Variants in LRRC56 observed in about 807,000 individuals in gnomAD.
The protein encoded by LRRC56 is leucine rich repeat containing 56, also known as leucine-rich repeat-containing protein 56.
Under a neutral mutation model 47.8 loss-of-function variants are expected in LRRC56, and 41 were observed. That is an observed-to-expected ratio of 0.86 (90% CI 0.67 to 1.11). The LOEUF (loss-of-function observed/expected upper bound fraction) is 1.11, where lower values mean the gene tolerates loss of function less well. Among genes scored for constraint, LRRC56 ranks in the 50% most tolerant of loss-of-function variants. The probability of loss-of-function intolerance (pLI) is 0.00; values close to 1 mark genes in which losing one functional copy is unlikely to be tolerated. For synonymous variants in LRRC56, 387 were observed against 311.2 expected, an observed-to-expected ratio of 1.24 and a Z score of -2.56; for missense variants, 759 against 704.2, an observed-to-expected ratio of 1.08 and a Z score of -0.88.
upstream of LRRC56, among the ~76,000 whole-genome samples, chr11:533,112 G>A (rs1048786235): frequency 6.6e-6 from 1 of 152,240 alleles, no homozygotes. Context: ...ACACTCTGGG[G>A]ACAAGAGGGG....
chr11:509,408 C>T, the LRRC56 span, among the ~76,000 whole-genome samples: 5 of 152,192 alleles, frequency 3.3e-5, no homozygotes, highest in Non-Finnish European at 5.9e-5. Flanking sequence ...TTTAAAATGG[C>T]TGTTGGGCTC....
At chr11:551,104 T>TCCCTCC (rs577182014) in intron 8 of LRRC56, 27 bp from the exon 9 acceptor site, 12 of 873,996 alleles carry the variant, frequency 1.4e-5, no homozygotes, top group African/African-American at 3.6e-5. Context: ...AGACCTGCCC[T>TCCCTCC]CCCTCCCCCT....
the LRRC56 span, among the ~76,000 whole-genome samples, chr11:530,159 C>G: frequency 1.3e-5 from 2 of 152,142 alleles, no homozygotes; most frequent in Admixed American, 1.3e-4. Context: ...TCCTGGACAC[C>G]CCAGGACCAC....
the LRRC56 span, among the ~76,000 whole-genome samples, chr11:518,440 C>A: frequency 6.6e-6 from 1 of 152,194 alleles, no homozygotes; most frequent in African/African-American, 2.4e-5. Flanking sequence ...CTCGGCCTCG[C>A]AAAGTGCTTG....
the LRRC56 span, among the ~76,000 whole-genome samples, chr11:512,887 G>A: frequency 6.6e-6 from 1 of 152,180 alleles, no homozygotes; most frequent in African/African-American, 2.4e-5. Context: ...AGGGCAAGCT[G>A]GAAGTGAAAG....
chr11:520,342 G>T, the LRRC56 span, among the ~76,000 whole-genome samples: 1 of 151,436 alleles, frequency 6.6e-6, no homozygotes, highest in Non-Finnish European at 1.5e-5. Context: ...TTTTTTTTAT[G>T]GGGAATCTCG....
At chr11:544,895 G>A in intron 6 of LRRC56, 115 bp downstream of exon 6, 1 of 1,063,034 alleles carries the variant, frequency 9.4e-7, no homozygotes, top group Non-Finnish European at 1.4e-6. Context: ...GCTGGGACCA[G>A]GGACCCAGGG....
At position 552,722 on chromosome 11, in the gene LRRC56, GC is replaced by G. The variant is rs751450879; in HGVS notation, c.1315+26del. 1.9e-6 allele frequency: 3 copies of G among 1,580,740 alleles called. No homozygotes were observed. Among genetic ancestry groups the G allele is most frequent in the Non-Finnish European group, 2.6e-6 (3 of 1,162,292 alleles). On this transcript the variant is annotated intron_variant, in intron 13 of 13. Transcript: ENST00000270115. ...CCTCAGGTACTGAGCCTGCCCGCCT[GC>G]CCCCCAGTGCCTGGGAGTGACCAAC...
the LRRC56 span, among the ~76,000 whole-genome samples, chr11:522,306 C>G: frequency 6.6e-6 from 1 of 151,956 alleles, no homozygotes; most frequent in Non-Finnish European, 1.5e-5. Context: ...CACTCTGTCG[C>G]CCAGGCTGGA....
intron 6 of LRRC56, among the ~76,000 whole-genome samples, chr11:548,986 T>A (rs1186380647): frequency 6.6e-6 from 1 of 151,848 alleles, no homozygotes; most frequent in Non-Finnish European, 1.5e-5. Flanking sequence ...TCCCAGCCAA[T>A]TCAGAGCGGA....
chr11:544,688 C>T lies in LRRC56; in HGVS notation c.266-32C>T, dbSNP rs373406619. The T allele has an allele frequency of 1.0e-4, 162 of 1,610,972 alleles. No homozygotes were observed. The African/African-American group carries it at 1.3e-3, about 13-fold the overall frequency. ...TGCAGAGGTGGGCGGGGTGAGGGGC[C>T]GGGCCAACCTCCTCCTCCTGTGGCC... On this transcript the variant is annotated intron_variant, in intron 5 of 13. Transcript: ENST00000270115.
At chr11:549,113 G>A (rs947318612) in intron 6 of LRRC56, among the ~76,000 whole-genome samples, 5 of 152,138 alleles carry the variant, frequency 3.3e-5, no homozygotes, top group African/African-American at 9.7e-5. Context: ...AACACAGTGG[G>A]CGGAATGAAG....
chr11:533,037 G>A (rs45626636), upstream of LRRC56, among the ~76,000 whole-genome samples: 21,026 of 152,200 alleles, frequency 0.14, 1,987 homozygotes, highest in African/African-American at 0.27. Context: ...CCCAGCTCTC[G>A]ACTCAGCTAC....
the LRRC56 span, chr11:529,445 C>T: frequency 1.3e-5 from 2 of 152,304 alleles, no homozygotes; most frequent in Non-Finnish European, 2.9e-5. Context: ...CTCACTGCTG[C>T]TCACTGTGGG....
At position 552,608 on chromosome 11, in the gene LRRC56, G is replaced by A. The variant is rs779925205; in HGVS notation, c.1221G>A (p.Gly407=). ...GGCACCCGGAGTCCCAACAGGAAGG[G>A]GCTGTAGCCCCCTGGGGCCCACGGA... ...PYRHPESQQE[G]AVAPWGPRRV... The change falls in exon 13 of 14, where the codon GGG becomes GGA. Residue 407 remains glycine, a synonymous_variant. Coordinates refer to ENST00000270115, the MANE Select transcript of LRRC56 (RefSeq NM_198075.4). The A allele has an allele frequency of 4.3e-6, 7 of 1,609,796 alleles. No individual in the cohort carries two copies. Among genetic ancestry groups the A allele is most frequent in the East Asian group, 2.2e-5 (1 of 44,842 alleles).
chr11:534,185 G>A (rs2133993800), upstream of LRRC56: 1 of 1,556,688 alleles, frequency 6.4e-7, no homozygotes, highest in Non-Finnish European at 8.9e-7. Flanking sequence ...GCAGCTGCTG[G>A]CACCTGGACG....
intron 6 of LRRC56, among the ~76,000 whole-genome samples, chr11:546,037 G>A (rs564081691): frequency 7.8e-4 from 119 of 151,910 alleles, no homozygotes; most frequent in African/African-American, 2.2e-3. Context: ...TTGGGAGGCC[G>A]AGGTGGGCAG....
rs201686877 is a variant in LRRC56, at chr11:551,278, A to G, written c.772A>G (p.Lys258Glu). Residue 258 changes from lysine to glutamate, a missense_variant, in exon 9 of 14, where the codon AAG becomes GAG. Coordinates refer to ENST00000270115, the MANE Select transcript of LRRC56 (RefSeq NM_198075.4). ...DWLAVKEAIKKGNGLPPLDCP... is the reference protein window; with the variant it reads ...DWLAVKEAIKEGNGLPPLDCP... Reference sequence around the variant, plus strand: ...GCTTGCGGTGAAGGAGGCCATCAAGAAGGGCAACGGCCTTCCCCCGCTGGG... The same window carrying G: ...GCTTGCGGTGAAGGAGGCCATCAAGGAGGGCAACGGCCTTCCCCCGCTGGG... The G allele has an allele frequency of 1.3e-6, 2 of 1,535,608 alleles. No homozygotes were observed. The highest frequency in any genetic ancestry group is 8.8e-7 in the Non-Finnish European group (1 of 1,136,140).
At chr11:549,224 G>GC (rs1278596851) in intron 6 of LRRC56, among the ~76,000 whole-genome samples, 7 of 152,220 alleles carry the variant, frequency 4.6e-5, no homozygotes, top group East Asian at 1.9e-4. Context: ...CTCAGGGAAA[G>GC]CCTGTGAGCT....
Sources: allele counts gnomAD v4.1 joint callset (sites outside exome capture counted in the v4.1 genomes callset), GRCh38; gene constraint gnomAD v4.1.1; transcripts MANE v1.5; gene names NCBI Gene and HGNC (gene_info 2026-07-23, HGNC 2026-07-21).